Variants in SNX20 observed in about 807,000 individuals in gnomAD.
SNX20 encodes the protein sorting nexin 20.
In SNX20, 21 loss-of-function variants were observed where a neutral mutation model predicts 24.5. The observed-to-expected ratio is 0.86, with a 90% CI of 0.61 to 1.23. The LOEUF (loss-of-function observed/expected upper bound fraction) is 1.23. SNX20 is among the 50% of genes most tolerant of loss of function. The pLI, the probability that SNX20 is intolerant of heterozygous loss-of-function variation, is 0.00. For synonymous variants in SNX20, 206 were observed against 192.8 expected (o/e 1.07, Z -0.57); for missense variants, 433 against 430.8 (o/e 1.00, Z -0.04).
chr16:50,675,000 C>T (rs140825113), intron 3 of SNX20, among the ~76,000 whole-genome samples: 3 of 152,308 alleles, frequency 2.0e-5, no homozygotes, highest in African/African-American at 7.2e-5. Flanking sequence ...TTTTCTCATT[C>T]ATAAAACAAG....
chr16:50,667,568 C>G (rs1311590691), downstream of SNX20: 1 of 205,630 alleles, frequency 4.9e-6, no homozygotes, highest in African/African-American at 2.3e-5. Context: ...ATCCCCAGCT[C>G]TAGATAAGGC....
downstream of SNX20, chr16:50,669,657 G>A (rs1222477332): frequency 1.3e-5 from 2 of 152,648 alleles, no homozygotes; most frequent in African/African-American, 4.8e-5. Context: ...ATCCTTTAAT[G>A]TGGAGTTCAG....
intron 3 of SNX20, among the ~76,000 whole-genome samples, 164 bp from the exon 4 acceptor site, chr16:50,674,238 T>A (rs1044143586): frequency 1.6e-4 from 23 of 142,616 alleles, no homozygotes; most frequent in Non-Finnish European, 3.1e-4. Context: ...TGTTTATTTA[T>A]TTATTTATTT....
downstream of SNX20, chr16:50,669,308 T>G: frequency 1.7e-6 from 1 of 581,728 alleles, no homozygotes; most frequent in Non-Finnish European, 3.1e-6. Context: ...CATTGCTTCT[T>G]GTGAAGCTTC....
chr16:50,677,408 T>A lies in SNX20; in HGVS notation c.119A>T (p.Asp40Val). ...TGPDLPHPGPDGHLDTHSGLS... is the reference protein window; with the variant it reads ...TGPDLPHPGPVGHLDTHSGLS... ...AGCCTCAAGCCCACCTAAGTGCCCGTCAGGTCCTGGGTGCGGGAGGTCGGG... is the reference window on the plus strand; with the variant it reads ...AGCCTCAAGCCCACCTAAGTGCCCGACAGGTCCTGGGTGCGGGAGGTCGGG... Residue 40 changes from aspartate to valine, a missense_variant, in exon 2 of 4, where the codon GAC (aspartate) becomes GTC (valine). Coordinates refer to ENST00000330943, the MANE Select transcript of SNX20 (RefSeq NM_182854.4). The A allele has an allele frequency of 1.3e-6, 2 of 1,595,178 alleles. No homozygotes were observed. The highest frequency in any genetic ancestry group is 1.7e-6 in the Non-Finnish European group (2 of 1,170,066).
intron 1 of SNX20, 131 bp from the exon 2 acceptor site, chr16:50,677,666 C>A: frequency 9.9e-7 from 1 of 1,005,678 alleles, no homozygotes. Context: ...CACGGCTCAA[C>A]CTTCCCCACT....
downstream of SNX20, chr16:50,669,498 T>A: frequency 4.9e-6 from 1 of 202,038 alleles, no homozygotes; most frequent in South Asian, 9.4e-5. Flanking sequence ...CCTGCCCCCA[T>A]GAGCCAAACA....
chr16:50,668,842 G>A (rs1459093593), downstream of SNX20: 2 of 1,338,552 alleles, frequency 1.5e-6, no homozygotes, highest in East Asian at 5.5e-5. Flanking sequence ...AGCCACTAGA[G>A]AGCAGAGCTA....
downstream of SNX20, chr16:50,669,035 T>G: frequency 6.4e-7 from 1 of 1,551,878 alleles, no homozygotes; most frequent in South Asian, 1.2e-5. Flanking sequence ...CTGTGTGTGC[T>G]GCCTCTCAGA....
downstream of SNX20, chr16:50,671,337 C>T (rs1963046072): frequency 6.6e-6 from 1 of 152,118 alleles, no homozygotes; most frequent in Non-Finnish European, 1.5e-5. Context: ...AGCCCTAAAA[C>T]ATGGGCGAGT....
chr16:50,679,049 G>A (rs189026538), intron 1 of SNX20, among the ~76,000 whole-genome samples: 18 of 131,640 alleles, frequency 1.4e-4, no homozygotes, highest in East Asian at 1.2e-3. Context: ...ACATTAGATC[G>A]GCTGGAGGGA....
chr16:50,667,866 G>C, downstream of SNX20: 4 of 764,042 alleles, frequency 5.2e-6, no homozygotes, highest in Middle Eastern at 3.7e-4. Context: ...ATGAGGGCTC[G>C]GCGTGGGGAC....
exon 4 of SNX20, chr16:50,666,573 T>C (rs1024105383): frequency 2.0e-5 from 3 of 152,216 alleles, no homozygotes; most frequent in South Asian, 2.1e-4. Context: ...TGGAAGAATA[T>C]TGTATATTAT....
rs1415609887 is a variant in SNX20, at chr16:50,673,591, G to A, written c.766C>T (p.Arg256Cys). The A allele has an allele frequency of 6.3e-6, 10 of 1,589,030 alleles. No homozygotes were observed. Among genetic ancestry groups the A allele is most frequent in the Admixed American group, 5.2e-5 (3 of 57,924 alleles). ...CGATGGCCCTCCCGGGCCTGCAGGC[G>A]CTGCAGGGCCCTCTCTCCGGCCGCG... ...AFAAGERALQ[R>C]LQAREGHRYY... Residue 256 changes from arginine to cysteine, a missense_variant, in exon 4 of 4, where the codon CGC becomes TGC. By Grantham distance (180) the Arg-to-Cys change is radical. Coordinates refer to ENST00000330943, the MANE Select transcript of SNX20 (RefSeq NM_182854.4). The surrounding 1 kb of genome is among the most constrained non-coding windows in gnomAD (Gnocchi z 4.1).
In SNX20 at chr16:50,672,432, T is replaced by C. The variant is rs1458988088; in HGVS notation, c.*974A>G. On this transcript the variant is annotated 3_prime_UTR_variant, in exon 4 of 4. Coordinates refer to ENST00000330943, the MANE Select transcript of SNX20 (RefSeq NM_182854.4). ...AAATGCCTGGTATCACAGAATCTTA[T>C]GCCATTATTGCTTTCTGGTCCAGGG... The C allele has an allele frequency of 6.6e-6, 1 of 152,102 alleles. No individual in the cohort carries two copies. The highest frequency in any genetic ancestry group is 1.9e-4 in the East Asian group (1 of 5,176). The allele number at this position is 152,102 out of a possible 1,614,324, so 9.4% of individuals were successfully genotyped here.
At chr16:50,668,068 A>G (rs1962956637), downstream of SNX20, 2 of 1,551,590 alleles carry the variant, frequency 1.3e-6, no homozygotes, top group East Asian at 4.9e-5. Flanking sequence ...AAGAGTGGGC[A>G]ATCAAAGCTG....
chr16:50,666,424 G>A (rs1051449764), exon 4 of SNX20: 2 of 152,366 alleles, frequency 1.3e-5, no homozygotes, highest in Admixed American at 6.5e-5. Flanking sequence ...GTTGCCATAA[G>A]AGTGCACACA....
chr16:50,675,914 G>C lies in SNX20; in HGVS notation c.138C>G (p.His46Gln). ...HPGPDGHLDT[H>Q]SGLSSNSSMT... ...TGCTGGAGTTGGAGCTCAGGCCACT[G>C]TGTGTGTCTGGAAGGACAACACCCT... The change falls in exon 3 of 4, where the codon CAC (histidine) becomes CAG (glutamine). Residue 46 changes from histidine (H) to glutamine (Q), a missense_variant. His to Gln is a conservative substitution (Grantham distance 24). Transcript: ENST00000330943. The C allele has an allele frequency of 6.2e-7, 1 of 1,606,004 alleles. No individual in the cohort carries two copies.
intron 2 of SNX20, among the ~76,000 whole-genome samples, chr16:50,677,064 C>T (rs1393616473): frequency 1.3e-5 from 2 of 152,174 alleles, no homozygotes; most frequent in East Asian, 1.9e-4. Context: ...TTCCTCACCC[C>T]TAGGATAGGA....
Sources: gnomAD v4.1 joint callset for allele counts (sites outside exome capture counted in the v4.1 genomes callset) on GRCh38, gnomAD v4.1.1 for gene constraint, Gnocchi (gnomAD v3.1) non-coding constraint, MANE v1.5 for transcripts, NCBI Gene and HGNC (gene_info 2026-07-23, HGNC 2026-07-21) for gene names.